The following LRRC9 variants were observed in gnomAD, a reference collection of about 807,000 sequenced individuals.
LRRC9 encodes the protein leucine rich repeat containing 9, also known as leucine-rich repeat-containing protein 9.
A neutral mutation model predicts 63.2 loss-of-function variants in LRRC9; 122 were observed. The ratio of observed to expected loss-of-function variants is 1.93; its 90% CI spans 1.67 to 2.24. The LOEUF (loss-of-function observed/expected upper bound fraction) is 2.24. LRRC9 is among the 30% of genes most tolerant of loss of function. LRRC9 has a pLI of 0.00. For missense variants in LRRC9, 1,071 were observed against 627.7 expected, an observed-to-expected ratio of 1.71 and a Z score of -7.55; for synonymous variants, 366 against 213.1, an observed-to-expected ratio of 1.72 and a Z score of -6.25.
At chr14:60,050,721 A>G (rs766292972) in intron 29 of LRRC9, among the ~76,000 whole-genome samples, 2 of 151,916 alleles carry the variant, frequency 1.3e-5, no homozygotes, top group Non-Finnish European at 2.9e-5. Flanking sequence ...TCTACCTTCA[A>G]TCTTTGAGAT....
rs1889818927 is a variant in LRRC9, at chr14:59,932,872, C to A, written c.543+833C>A. 6.6e-6 allele frequency among the ~76,000 whole-genome samples: 1 copy of A among 152,082 alleles called. No individual in the cohort carries two copies. The highest frequency in any genetic ancestry group is 2.4e-5 in the African/African-American group (1 of 41,404). On this transcript the variant is annotated intron_variant, in intron 6 of 31. Coordinates refer to ENST00000445360, the Ensembl canonical transcript of LRRC9. This position sits in a 1 kb window ranked among gnomAD's most constrained non-coding sequence, Gnocchi z 4.7. ...TAAAAATCTGTCAGATAAAAATCAC[C>A]CTTCTGCTTAAAACCCTCCGTCGCC...
intron 19 of LRRC9, among the ~76,000 whole-genome samples, chr14:60,001,689 T>C (rs1010211655): frequency 1.3e-5 from 2 of 152,114 alleles, no homozygotes; most frequent in Non-Finnish European, 2.9e-5. Flanking sequence ...GCTCTTAAAC[T>C]GGTTTCATGG....
At chr14:60,020,310 G>C (rs1350236635) in intron 26 of LRRC9, among the ~76,000 whole-genome samples, 1 of 151,758 alleles carries the variant, frequency 6.6e-6, no homozygotes, top group Non-Finnish European at 1.5e-5. Flanking sequence ...TTGCCGAATA[G>C]TATTCTATTA....
At chr14:59,971,228 G>A (rs1019429806) in intron 12 of LRRC9, among the ~76,000 whole-genome samples, 3 of 151,940 alleles carry the variant, frequency 2.0e-5, no homozygotes, top group African/African-American at 7.2e-5. Flanking sequence ...TGTTGAAAAT[G>A]AAATGGTTGT....
chr14:59,933,084 TG>T (rs1889842287), intron 6 of LRRC9, among the ~76,000 whole-genome samples: 1 of 152,198 alleles, frequency 6.6e-6, no homozygotes, highest in Non-Finnish European at 1.5e-5. Flanking sequence ...TTGCACTTGC[TG>T]GAATTTTCTT....
rs533224292 is a variant in LRRC9, at chr14:59,923,998, G to C, written c.-33-3913G>C. ...AGATACTCGTGCAGGAATAGTCAGA[G>C]CTAATGAAAAACACAGACTAGAAAG... On this transcript the variant is annotated intron_variant, in intron 1 of 31. Transcript: ENST00000445360. This position sits in a 1 kb window ranked among gnomAD's most constrained non-coding sequence, Gnocchi z 4.2. 3.5e-4 allele frequency among the ~76,000 whole-genome samples: 54 copies of C among 152,258 alleles called. No individual in the cohort carries two copies. Among genetic ancestry groups the C allele is most frequent in the African/African-American group, 1.3e-3 (53 of 41,550 alleles).
chr14:59,973,251 A>T (rs1413414843), intron 12 of LRRC9, among the ~76,000 whole-genome samples: 4 of 152,100 alleles, frequency 2.6e-5, no homozygotes, highest in Non-Finnish European at 5.9e-5. Context: ...TATTTGACAC[A>T]TCTTGTGGTG....
At position 59,922,557 on chromosome 14, in the gene LRRC9, A is replaced by G. The variant is rs1888877241; in HGVS notation, c.-34+2674A>G. Among the ~76,000 whole-genome samples the G allele has an allele frequency of 6.6e-6, 1 of 152,244 alleles. No homozygotes were observed. ...AAATTTGACAGCAGTATTCTGAAAG[A>G]GACAGATAAGGATAGGATCAATACA... On this transcript the variant is annotated intron_variant, in intron 1 of 31. Transcript: ENST00000445360. This position sits in a 1 kb window ranked among gnomAD's most constrained non-coding sequence, Gnocchi z 5.3.
At chr14:59,925,100 A>AAT (rs1267487401) in intron 1 of LRRC9, among the ~76,000 whole-genome samples, 5 of 152,072 alleles carry the variant, frequency 3.3e-5, no homozygotes, top group Non-Finnish European at 5.9e-5. Flanking sequence ...CTTCAATATG[A>AAT]ATATTAACAA....
In LRRC9 at chr14:59,927,814, C is replaced by T. The variant is rs1889333202; in HGVS notation, c.-33-97C>T. Reference sequence around the variant, plus strand: ...TATACTATGTGAAGATTTCAAACTACAGTTGGGTGGTTCAACCTCAGTAGC... The same window carrying T: ...TATACTATGTGAAGATTTCAAACTATAGTTGGGTGGTTCAACCTCAGTAGC... On this transcript the variant is annotated intron_variant, in intron 1 of 31. Transcript: ENST00000445360. This position sits in a 1 kb window ranked among gnomAD's most constrained non-coding sequence, Gnocchi z 4.4. 2.0e-6 allele frequency: 1 copy of T among 508,176 alleles called. No individual in the cohort carries two copies. The highest frequency in any genetic ancestry group is 2.0e-5 in the African/African-American group (1 of 50,414). 31.5% of individuals were successfully genotyped at this position (508,176 alleles called of 1,614,324 possible).
exon 25 of LRRC9, chr14:60,018,446 A>G (rs1890868920): frequency 1.4e-6 from 1 of 700,108 alleles, no homozygotes; most frequent in Non-Finnish European, 2.6e-6. Context: ...ATCTTACCTC[A>G]TTCAGTGGAT....
chr14:60,041,056 T>C lies in LRRC9; in HGVS notation c.3990+8993T>C, dbSNP rs1032959421. 5.3e-5 allele frequency among the ~76,000 whole-genome samples: 8 copies of C among 151,950 alleles called. 1 individual carries two copies. The highest frequency in any genetic ancestry group is 1.7e-4 in the African/African-American group (7 of 41,198). On this transcript the variant is annotated intron_variant, in intron 29 of 31. Transcript: ENST00000445360. ...TGGATATGAAATTCTGGGTTGAAAA[T>C]TGTTTTCTTTAAGAATGTTGAATAT...
At chr14:59,988,725 C>T (rs1355457191) in intron 17 of LRRC9, among the ~76,000 whole-genome samples, 1 of 152,066 alleles carries the variant, frequency 6.6e-6, no homozygotes, top group Admixed American at 6.5e-5. Context: ...GCTCTGTACA[C>T]TCTCCCTTTT....
intron 8 of LRRC9, among the ~76,000 whole-genome samples, chr14:59,952,507 GC>G (rs1381976737): frequency 2.0e-5 from 3 of 152,142 alleles, no homozygotes; most frequent in Admixed American, 6.5e-5. Flanking sequence ...TTCCTATTCG[GC>G]CATCTTGGCT....
intron 27 of LRRC9, among the ~76,000 whole-genome samples, chr14:60,025,756 C>A (rs1236325602): frequency 6.6e-6 from 1 of 151,520 alleles, no homozygotes; most frequent in Non-Finnish European, 1.5e-5. Flanking sequence ...TGTTATGGTA[C>A]AAAGTCAAAC....
chr14:59,996,373 A>G (rs1860853094), intron 17 of LRRC9, among the ~76,000 whole-genome samples: 1 of 152,104 alleles, frequency 6.6e-6, no homozygotes. Context: ...TTTTAATTCA[A>G]CTCTTGAAAC....
rs1884916719 is a variant in LRRC9 at position 59,966,884 on chromosome 14, CT to C, written c.1388+124del. On this transcript the variant is annotated intron_variant, in intron 11 of 31. Coordinates refer to ENST00000445360, the Ensembl canonical transcript of LRRC9. The surrounding 1 kb of genome is among the most constrained non-coding windows in gnomAD (Gnocchi z 4.0). ...CATATACCTTGTTAGTAAATGTTTC[CT>C]TTTTATGCATCTCCCATGGCCAGGA... is the stretch of plus-strand genomic sequence containing the variant. The C allele has an allele frequency of 1.8e-6, 1 of 552,062 alleles. No homozygotes were observed. Among genetic ancestry groups the C allele is most frequent in the Non-Finnish European group, 3.2e-6 (1 of 308,804 alleles). 34.2% of individuals were successfully genotyped at this position (552,062 alleles called of 1,614,324 possible). A position where few individuals can be genotyped will look rare whatever the true frequency, so the allele number is the denominator to read the frequency against.
At chr14:60,028,221 C>A in intron 28 of LRRC9, 120 bp downstream of exon 28, 2 of 587,156 alleles carry the variant, frequency 3.4e-6, no homozygotes, top group Non-Finnish European at 6.0e-6. Context: ...CACCTATATA[C>A]CATCTATATT....
At chr14:60,047,753 C>A (rs1480655278) in intron 29 of LRRC9, among the ~76,000 whole-genome samples, 1 of 152,118 alleles carries the variant, frequency 6.6e-6, no homozygotes, top group Non-Finnish European at 1.5e-5. Flanking sequence ...AGAAAATTAA[C>A]AAAGACATTC....
Sources: gnomAD v4.1 joint callset for allele counts (sites outside exome capture counted in the v4.1 genomes callset) on GRCh38, gnomAD v4.1.1 for gene constraint, Gnocchi (gnomAD v3.1) non-coding constraint, MANE v1.5 for transcripts, NCBI Gene and HGNC (gene_info 2026-07-23, HGNC 2026-07-21) for gene names.